Variants in EPM2A observed in about 807,000 individuals in gnomAD.
The protein encoded by EPM2A is laforin.
A neutral mutation model predicts 26.5 loss-of-function variants in EPM2A; 21 were observed. That is an observed-to-expected ratio of 0.79 (90% CI 0.56 to 1.14). The LOEUF is 1.14. EPM2A is among the 50% of genes most tolerant of loss of function. The pLI is 0.00. For synonymous variants in EPM2A, 217 were observed against 177.6 expected (o/e 1.22, Z -1.76); for missense variants, 458 against 440.8 (o/e 1.04, Z -0.35).
At chr6:145,436,855 T>C (rs1414899410) in intron 4 of EPM2A, among the ~76,000 whole-genome samples, 1 of 152,118 alleles carries the variant, frequency 6.6e-6, no homozygotes, top group Non-Finnish European at 1.5e-5. Flanking sequence ...CTATAAAGTT[T>C]CTATTTGTTT....
At chr6:145,518,609 A>C (rs936586632) in intron 2 of EPM2A, among the ~76,000 whole-genome samples, 28 of 150,194 alleles carry the variant, frequency 1.9e-4, no homozygotes, top group African/African-American at 4.6e-4. Context: ...AAAAAAAAAA[A>C]AAAAAAAAAA....
chr6:145,567,188 T>G (rs1562385166), intron 2 of EPM2A, among the ~76,000 whole-genome samples: 1 of 152,206 alleles, frequency 6.6e-6, no homozygotes, highest in Non-Finnish European at 1.5e-5. Context: ...TCACTACCCA[T>G]TGGATGGATC....
chr6:145,645,506 C>T (rs946285335), intron 2 of EPM2A, among the ~76,000 whole-genome samples: 4 of 152,068 alleles, frequency 2.6e-5, no homozygotes, highest in East Asian at 1.9e-4. Flanking sequence ...GGTCTTGCTA[C>T]GCTGCCCATG....
At chr6:145,482,279 C>T (rs1288428994) in intron 4 of EPM2A, among the ~76,000 whole-genome samples, 1 of 152,102 alleles carries the variant, frequency 6.6e-6, no homozygotes, top group African/African-American at 2.4e-5. Flanking sequence ...CCAGCTTTAA[C>T]ACTAAGGCTT....
intron 4 of EPM2A, among the ~76,000 whole-genome samples, chr6:145,442,392 G>C (rs1779076079): frequency 6.6e-6 from 1 of 152,220 alleles, no homozygotes; most frequent in South Asian, 2.1e-4. Flanking sequence ...TGGATTCAGA[G>C]TTCCATGTGG....
chr6:145,416,108 G>T (rs542708910), intron 4 of EPM2A, among the ~76,000 whole-genome samples: 1 of 152,062 alleles, frequency 6.6e-6, no homozygotes, highest in Non-Finnish European at 1.5e-5. Flanking sequence ...GGAGGTCATG[G>T]GTACACTTGT....
chr6:145,468,247 C>T (rs774120231), intron 4 of EPM2A, among the ~76,000 whole-genome samples: 61 of 151,994 alleles, frequency 4.0e-4, no homozygotes, highest in Non-Finnish European at 8.2e-4. Context: ...AGTCATATTT[C>T]TATAGCTGAA....
intron 2 of EPM2A, among the ~76,000 whole-genome samples, chr6:145,534,179 A>G (rs1311839349): frequency 6.6e-6 from 1 of 152,176 alleles, no homozygotes; most frequent in Non-Finnish European, 1.5e-5. Context: ...CTCTTGCAAG[A>G]GTAGTCATCT....
rs1445685521 is a variant in EPM2A at position 145,635,440 on chromosome 6, G to C, written c.523C>G (p.His175Asp). 4 of 1,613,910 alleles carry C rather than the reference G, an allele frequency of 2.5e-6. No individual in the cohort carries two copies. Among genetic ancestry groups the C allele is most frequent in the Non-Finnish European group, 3.4e-6 (4 of 1,179,764 alleles). Residue 175 changes from histidine to aspartate, a missense_variant, in exon 3 of 4, where the codon CAT becomes GAT. His to Asp is a moderately conservative substitution (Grantham distance 81). Transcript: ENST00000367519. ...WLGSCPRQVE[H>D]VTIKLKHELG... is the part of the protein sequence containing the mutation. ...TCATGCTTCAGTTTGATGGTTACAT[G>C]TTCCACCTGACGAGGGCAGCTACCC...
At chr6:145,504,282 G>A (rs1378753987) in intron 2 of EPM2A, among the ~76,000 whole-genome samples, 1 of 110,732 alleles carries the variant, frequency 9.0e-6, no homozygotes, top group Non-Finnish European at 1.9e-5. Context: ...CATAGCAAAA[G>A]AAACTACCAT....
At chr6:145,489,887 G>A (rs1779732163) in intron 4 of EPM2A, 1 of 1,359,422 alleles carries the variant, frequency 7.4e-7, no homozygotes, top group African/African-American at 1.4e-5. Context: ...TTCTCTACGT[G>A]TACTTCAGTA....
intron 4 of EPM2A, among the ~76,000 whole-genome samples, chr6:145,412,966 C>T (rs1008041630): frequency 1.3e-5 from 2 of 152,134 alleles, no homozygotes; most frequent in African/African-American, 4.8e-5. Context: ...CCACCCCTTA[C>T]TACCAGCTCA....
chr6:145,523,175 C>T (rs949008848), intron 2 of EPM2A, among the ~76,000 whole-genome samples: 5 of 152,120 alleles, frequency 3.3e-5, no homozygotes, highest in African/African-American at 9.7e-5. Flanking sequence ...GTTCTTAATA[C>T]TCTGGGCACA....
intron 4 of EPM2A, among the ~76,000 whole-genome samples, chr6:145,469,694 A>G (rs1779448218): frequency 6.6e-6 from 1 of 152,170 alleles, no homozygotes; most frequent in South Asian, 2.1e-4. Flanking sequence ...AAAGCAAATC[A>G]GTATATTGAA....
chr6:145,733,135 A>C (rs1388895359), intron 1 of EPM2A, among the ~76,000 whole-genome samples: 1 of 152,220 alleles, frequency 6.6e-6, no homozygotes, highest in East Asian at 1.9e-4. Context: ...TGATAATGTA[A>C]AAGTCATAAT....
intron 4 of EPM2A, among the ~76,000 whole-genome samples, chr6:145,388,874 T>C (rs1986805): frequency 0.25 from 38,289 of 152,094 alleles, 5,432 homozygotes; most frequent in Non-Finnish European, 0.32. Context: ...TGGTATTCCA[T>C]GGTGTAGATG....
rs1775889033 is a variant in EPM2A, at chr6:145,627,396, G to T, written c.*20C>A. 5 of 1,613,736 alleles carry T rather than the reference G, an allele frequency of 3.1e-6. No individual in the cohort carries two copies. In the South Asian group the frequency reaches 5.5e-5, roughly 18 times the overall value. ...AGGCTCCTTAGGGAAATCAGGAGGG[G>T]GCAGAAGCAGGCTGACCAGCTACAG... On this transcript the variant is annotated 3_prime_UTR_variant, in exon 4 of 4. Coordinates refer to ENST00000367519, the MANE Select transcript of EPM2A (RefSeq NM_005670.4).
chr6:145,457,483 A>G (rs1779276919), intron 4 of EPM2A, among the ~76,000 whole-genome samples: 1 of 82,220 alleles, frequency 1.2e-5, no homozygotes, highest in Admixed American at 1.2e-4. Flanking sequence ...CTCTGTCTCA[A>G]AAAAAAAAAA....
chr6:145,435,854 A>G (rs540075971), intron 4 of EPM2A, among the ~76,000 whole-genome samples: 27 of 152,226 alleles, frequency 1.8e-4, no homozygotes, highest in Admixed American at 1.4e-3. Context: ...TGCTAAAAAT[A>G]TAGAGAGTTT....
Sources: gnomAD v4.1 joint callset for allele counts (sites outside exome capture counted in the v4.1 genomes callset) on GRCh38, gnomAD v4.1.1 for gene constraint, MANE v1.5 for transcripts, NCBI Gene and HGNC (gene_info 2026-07-23, HGNC 2026-07-21) for gene names.